CERT1: variants seen among roughly 807,000 people sequenced by gnomAD.
CERT1 encodes ceramide transfer protein.
In CERT1, 31 loss-of-function variants were observed where a neutral mutation model predicts 87.9. The ratio of observed to expected loss-of-function variants is 0.35; its 90% CI spans 0.27 to 0.48. The LOEUF (loss-of-function observed/expected upper bound fraction) is 0.48. CERT1 is among the 20% of genes least tolerant of loss of function. The pLI is 0.99. For synonymous variants in CERT1, 289 were observed against 250.9 expected (o/e 1.15, Z -1.44); for missense variants, 487 against 758.0 (o/e 0.64, Z 4.20).
chr5:75,497,184 T>C (rs183663849), intron 2 of CERT1, among the ~76,000 whole-genome samples: 2 of 152,280 alleles, frequency 1.3e-5, no homozygotes, highest in South Asian at 4.1e-4. Flanking sequence ...ACGCTACGTA[T>C]CCCGGCTCTA....
chr5:75,374,811 G>C, downstream of CERT1: 1 of 534,874 alleles, frequency 1.9e-6, no homozygotes. Context: ...CCCATGTAAG[G>C]AGCTGAGTCC....
At chr5:75,425,539 C>G in intron 4 of CERT1, 40 bp from the exon 5 acceptor site, 1 of 1,600,878 alleles carries the variant, frequency 6.2e-7, no homozygotes, top group South Asian at 1.1e-5. Flanking sequence ...TCAAGTAAAA[C>G]AAAACTGGAT....
chr5:75,412,992 AATAAG>A lies in CERT1; in HGVS notation c.838-1894_838-1890del, dbSNP rs530767713. On this transcript the variant is annotated intron_variant, in intron 7 of 16. Coordinates refer to ENST00000643780, the MANE Select transcript of CERT1 (RefSeq NM_001379029.1). ...TTTTTAAACTTTTTGAGTCTTTTGT[AATAAG>A]ATATCTTAAAACATAAACATTGTAC... is the stretch of plus-strand genomic sequence containing the variant. Among the ~76,000 whole-genome samples the A allele has an allele frequency of 3.1e-3, 474 of 152,334 alleles. 3 individuals carry two copies. Among genetic ancestry groups the A allele is most frequent in the Non-Finnish European group, 4.1e-3 (279 of 68,020 alleles).
intron 3 of CERT1, among the ~76,000 whole-genome samples, chr5:75,448,061 A>G (rs1398296727): frequency 6.6e-6 from 1 of 152,240 alleles, no homozygotes; most frequent in Admixed American, 6.5e-5. Flanking sequence ...ACATTGTTAG[A>G]GCTAACTGTA....
At chr5:75,393,578 C>CAACAT (rs1762112782) in intron 11 of CERT1, among the ~76,000 whole-genome samples, 1 of 74,184 alleles carries the variant, frequency 1.3e-5, no homozygotes, top group Admixed American at 2.1e-4. Flanking sequence ...TAAGTCTCGG[C>CAACAT]AACATAGCAA....
chr5:75,407,029 A>C (rs1004619069), intron 8 of CERT1, among the ~76,000 whole-genome samples: 2 of 152,188 alleles, frequency 1.3e-5, no homozygotes, highest in Non-Finnish European at 2.9e-5. Flanking sequence ...TTACAAGAAA[A>C]GATAGATGGT....
In CERT1 at chr5:75,421,752, G is replaced by A. The variant is rs955697866; in HGVS notation, c.596-2328C>T. Among the ~76,000 whole-genome samples the A allele has an allele frequency of 3.3e-5, 5 of 152,024 alleles. No homozygotes were observed. The East Asian group carries it at 5.8e-4, about 18-fold the overall frequency. On this transcript the variant is annotated intron_variant, in intron 5 of 16. Transcript: ENST00000643780. ...GTACCTTTTGAGATCCTTACTTCCCGGGGCCTTTTCAAATTTCCCTACTTT... is the reference window on the plus strand; with the variant it reads ...GTACCTTTTGAGATCCTTACTTCCCAGGGCCTTTTCAAATTTCCCTACTTT...
chr5:75,427,231 T>A (rs556594598), intron 3 of CERT1, among the ~76,000 whole-genome samples: 2 of 152,348 alleles, frequency 1.3e-5, no homozygotes, highest in East Asian at 3.9e-4. Context: ...ATTAAAACAT[T>A]TGAACTTCCA....
In CERT1 at chr5:75,459,057, G is replaced by A. The variant is rs1447011928; in HGVS notation, c.348+8C>T. On this transcript the variant is annotated splice_region_variant and intron_variant, in intron 3 of 16. Coordinates refer to ENST00000643780, the MANE Select transcript of CERT1 (RefSeq NM_001379029.1). ...CCTCCATGGACAGGTAAACATTAGGGATCTTACCTTGTGCTGTTCAATGGC... is the reference window on the plus strand; with the variant it reads ...CCTCCATGGACAGGTAAACATTAGGAATCTTACCTTGTGCTGTTCAATGGC... 1 of 1,514,594 alleles carries A rather than the reference G, an allele frequency of 6.6e-7. No individual in the cohort carries two copies. Among genetic ancestry groups the A allele is most frequent in the Admixed American group, 1.7e-5 (1 of 59,746 alleles). The allele number at this position is 1,514,594 out of a possible 1,614,324, so 93.8% of individuals were successfully genotyped here.
chr5:75,504,045 G>A (rs1189734730), intron 2 of CERT1, among the ~76,000 whole-genome samples: 3 of 151,658 alleles, frequency 2.0e-5, no homozygotes, highest in African/African-American at 7.3e-5. Flanking sequence ...GAATAATAAA[G>A]ATAAAATTTA....
chr5:75,405,201 C>T (rs1762654384), intron 8 of CERT1, among the ~76,000 whole-genome samples: 1 of 152,006 alleles, frequency 6.6e-6, no homozygotes, highest in Non-Finnish European at 1.5e-5. Flanking sequence ...ACTTATCTGC[C>T]CCCTTAGAAT....
Position 75,389,777 on chromosome 5 carries a change from A to G in CERT1, c.1189-90T>C, listed in dbSNP as rs1032135476. ...GTCTTCAGTTAACTTCAGTTCAGAA[A>G]TGGTGCTCTTAGTAGCTGAGCAACC... On this transcript the variant is annotated intron_variant, in intron 11 of 16. Transcript: ENST00000643780. 22 of 988,026 alleles carry G rather than the reference A, an allele frequency of 2.2e-5. No individual in the cohort carries two copies. In the Middle Eastern group the frequency reaches 8.5e-4, roughly 38 times the overall value. The allele number at this position is 988,026 out of a possible 1,614,324, so 61.2% of individuals were successfully genotyped here.
At chr5:75,373,661 C>T (rs561106534), downstream of CERT1, 40 of 154,896 alleles carry the variant, frequency 2.6e-4, no homozygotes, top group South Asian at 6.0e-3. Context: ...GCAATGAATT[C>T]TATGATTATA....
chr5:75,499,743 C>T (rs754693792), intron 2 of CERT1, among the ~76,000 whole-genome samples: 4 of 152,130 alleles, frequency 2.6e-5, no homozygotes, highest in Non-Finnish European at 5.9e-5. Flanking sequence ...TTCCTACAAC[C>T]CCTACACAAA....
chr5:75,492,952 T>C (rs1239617352), intron 2 of CERT1, among the ~76,000 whole-genome samples: 1 of 152,200 alleles, frequency 6.6e-6, no homozygotes, highest in Non-Finnish European at 1.5e-5. Context: ...TTCTGATCCA[T>C]TAGGTCTGGG....
chr5:75,506,461 TTTG>T (rs1424418537), intron 1 of CERT1, among the ~76,000 whole-genome samples: 1 of 152,238 alleles, frequency 6.6e-6, no homozygotes, highest in Non-Finnish European at 1.5e-5. Context: ...CTTCATGATA[TTTG>T]TTTTGGTCCT....
chr5:75,436,882 T>C (rs1228174545), intron 3 of CERT1, among the ~76,000 whole-genome samples: 4 of 152,072 alleles, frequency 2.6e-5, no homozygotes, highest in Non-Finnish European at 5.9e-5. Flanking sequence ...AATCCTCCCA[T>C]CTCAGCCTCC....
intron 2 of CERT1, among the ~76,000 whole-genome samples, chr5:75,462,099 T>C (rs1013204456): frequency 2.6e-5 from 4 of 152,196 alleles, no homozygotes; most frequent in African/African-American, 7.2e-5. Flanking sequence ...TCCTTAAATT[T>C]TGTGATTGAG....
intron 17 of CERT1, chr5:75,371,043 CTCTTAACTATTCAGAGT>C: frequency 6.6e-6 from 1 of 151,970 alleles, no homozygotes; most frequent in Non-Finnish European, 1.5e-5. Context: ...GAATTTCAAG[CTCTTAACTATTCAGAGT>C]AGGGCAATAT....
Sources: allele counts gnomAD v4.1 joint callset (sites outside exome capture counted in the v4.1 genomes callset), GRCh38; gene constraint gnomAD v4.1.1; transcripts MANE v1.5; gene names NCBI Gene and HGNC (gene_info 2026-07-23, HGNC 2026-07-21).